Variants in HDAC9 observed in about 807,000 individuals in gnomAD.
The protein encoded by HDAC9 is MEF-2 interacting transcription repressor (MITR) protein.
A neutral mutation model predicts 139.4 loss-of-function variants in HDAC9; 41 were observed. That is an observed-to-expected ratio of 0.29 (90% CI 0.23 to 0.38). The LOEUF (loss-of-function observed/expected upper bound fraction) is 0.38. Ranked by LOEUF, HDAC9 falls within the 10% of genes least tolerant of loss-of-function variation. The probability of loss-of-function intolerance (pLI) is 1.00; values close to 1 mark genes in which losing one functional copy is unlikely to be tolerated. For missense variants in HDAC9, 1,147 were observed against 1,297.0 expected (o/e 0.88, Z 1.78); for synonymous variants, 517 against 476.2 (o/e 1.09, Z -1.12).
intron 1 of HDAC9, among the ~76,000 whole-genome samples, chr7:18,395,612 T>G: frequency 6.6e-6 from 1 of 152,048 alleles, no homozygotes; most frequent in Non-Finnish European, 1.5e-5. Context: ...ATTCTCAAGT[T>G]TGATTATTTT....
At chr7:18,910,160 A>G (rs1235949344) in intron 22 of HDAC9, among the ~76,000 whole-genome samples, 1 of 152,002 alleles carries the variant, frequency 6.6e-6, no homozygotes, top group Non-Finnish European at 1.5e-5. Flanking sequence ...TAACAAGGCT[A>G]TTTTAACAAT....
At chr7:18,273,936 G>A (rs1184060307) in intron 2 of HDAC9, among the ~76,000 whole-genome samples, 2 of 152,248 alleles carry the variant, frequency 1.3e-5, no homozygotes, top group East Asian at 1.9e-4. Context: ...AATGTCACCA[G>A]GTGTTAGTGA....
At chr7:18,977,982 C>G (rs75512519) in intron 25 of HDAC9, among the ~76,000 whole-genome samples, 23 of 150,660 alleles carry the variant, frequency 1.5e-4, no homozygotes, top group Non-Finnish European at 2.2e-4. Flanking sequence ...AGAGAATGCT[C>G]TGAAAAGCCA....
intron 22 of HDAC9, among the ~76,000 whole-genome samples, chr7:18,895,757 A>T (rs986483278): frequency 5.9e-5 from 9 of 152,072 alleles, no homozygotes; most frequent in Non-Finnish European, 1.5e-5. Flanking sequence ...ATTCTCTTGT[A>T]AGGTTAGACA....
chr7:18,797,634 C>A (rs1792918080), intron 17 of HDAC9, among the ~76,000 whole-genome samples: 2 of 151,932 alleles, frequency 1.3e-5, no homozygotes, highest in Non-Finnish European at 2.9e-5. Flanking sequence ...TCAAGACCAG[C>A]CTGGCCAACG....
At chr7:18,527,656 A>G (rs1459800696) in intron 2 of HDAC9, among the ~76,000 whole-genome samples, 1 of 152,168 alleles carries the variant, frequency 6.6e-6, no homozygotes, top group Non-Finnish European at 1.5e-5. Flanking sequence ...ATTTTTACAG[A>G]GGATGTTTGA....
At chr7:18,698,233 T>C (rs1450386682) in intron 12 of HDAC9, among the ~76,000 whole-genome samples, 1 of 152,182 alleles carries the variant, frequency 6.6e-6, no homozygotes, top group Non-Finnish European at 1.5e-5. Flanking sequence ...ATTTTTCAAG[T>C]TGAAAGGACC....
intron 1 of HDAC9, among the ~76,000 whole-genome samples, chr7:18,131,972 A>T (rs1221887701): frequency 6.6e-6 from 1 of 152,220 alleles, no homozygotes; most frequent in African/African-American, 2.4e-5. Context: ...ATTTTAGCTA[A>T]TGGCAACAGA....
At position 18,150,074 on chromosome 7, in the gene HDAC9, A is replaced by AG. The variant is rs1435351982; in HGVS notation, c.-96-12152dup. Among the ~76,000 whole-genome samples, 19 of 110,190 alleles carry AG rather than the reference A, an allele frequency of 1.7e-4. No individual in the cohort carries two copies. In the South Asian group the frequency reaches 2.3e-3, roughly 13 times the overall value. 72.3% of individuals were successfully genotyped at this position (110,190 alleles called of 152,430 possible). A position where few individuals can be genotyped will look rare whatever the true frequency, so the allele number is the denominator to read the frequency against. ...GTGTGATTTGTCTTTGCACTTTATT[A>AG]GGGTTTTTTTTTTTTTTTAAGTGCA... On this transcript the variant is annotated intron_variant, in intron 1 of 12. Transcript: ENST00000417496.
At chr7:18,603,927 C>CA (rs1834679490) in intron 6 of HDAC9, among the ~76,000 whole-genome samples, 1 of 152,030 alleles carries the variant, frequency 6.6e-6, no homozygotes, top group Non-Finnish European at 1.5e-5. Flanking sequence ...TTTTTGGCAA[C>CA]ATTTTGTACT....
chr7:18,541,149 T>TTG (rs1467432316), intron 2 of HDAC9, among the ~76,000 whole-genome samples: 27 of 147,280 alleles, frequency 1.8e-4, no homozygotes, highest in Non-Finnish European at 3.6e-4. Context: ...GTGTTTTTTT[T>TTG]TTTTTTTTTT....
intron 6 of HDAC9, among the ~76,000 whole-genome samples, chr7:18,598,781 C>T (rs944471955): frequency 1.3e-5 from 2 of 152,146 alleles, no homozygotes; most frequent in Non-Finnish European, 2.9e-5. Context: ...AAAAGGTGAT[C>T]AATATTTTCT....
chr7:18,153,518 C>T (rs1786941382), intron 1 of HDAC9, among the ~76,000 whole-genome samples: 3 of 152,168 alleles, frequency 2.0e-5, no homozygotes, highest in African/African-American at 7.2e-5. Flanking sequence ...CTCTACCAGC[C>T]TGATTGGTTG....
chr7:18,115,464 T>A (rs1285546126), intron 1 of HDAC9, among the ~76,000 whole-genome samples: 1 of 152,230 alleles, frequency 6.6e-6, no homozygotes, highest in Non-Finnish European at 1.5e-5. Flanking sequence ...GATTATGTTA[T>A]TTGCAAAATT....
At chr7:18,723,106 C>A (rs1006044096) in intron 12 of HDAC9, among the ~76,000 whole-genome samples, 3 of 151,964 alleles carry the variant, frequency 2.0e-5, no homozygotes, top group African/African-American at 7.3e-5. Context: ...TTTGTCTGGA[C>A]TCTATTTCTC....
chr7:18,127,900 G>A (rs532857546), intron 1 of HDAC9, among the ~76,000 whole-genome samples: 3 of 146,962 alleles, frequency 2.0e-5, no homozygotes, highest in Non-Finnish European at 4.6e-5. Flanking sequence ...GACAATTTTC[G>A]TGCATTTAAA....
intron 1 of HDAC9, among the ~76,000 whole-genome samples, chr7:18,316,752 G>A (rs1475175870): frequency 6.6e-6 from 1 of 152,046 alleles, no homozygotes; most frequent in Middle Eastern, 3.2e-3. Flanking sequence ...AGGAGTTGGA[G>A]GTTGTGGCGA....
chr7:18,982,614 T>C (rs894284308), intron 25 of HDAC9, among the ~76,000 whole-genome samples: 2 of 152,048 alleles, frequency 1.3e-5, no homozygotes, highest in African/African-American at 4.8e-5. Flanking sequence ...CTCCAAAAAG[T>C]TTGCTTCTGC....
intron 25 of HDAC9, among the ~76,000 whole-genome samples, chr7:18,987,215 A>G (rs1299618807): frequency 6.6e-6 from 1 of 152,188 alleles, no homozygotes; most frequent in Non-Finnish European, 1.5e-5. Context: ...TGTCATAGAT[A>G]GCTCTTATTA....
Sources: allele counts gnomAD v4.1 joint callset (sites outside exome capture counted in the v4.1 genomes callset), GRCh38; gene constraint gnomAD v4.1.1; transcripts MANE v1.5; gene names NCBI Gene and HGNC (gene_info 2026-07-23, HGNC 2026-07-21).